Variants in ZNF713 observed in about 807,000 individuals in gnomAD.
ZNF713 encodes the protein zinc finger protein 713.
ZNF713 carries 21 observed loss-of-function variants against 28.7 expected under a neutral mutation model. The observed-to-expected ratio is 0.73, with a 90% CI of 0.52 to 1.05. The LOEUF is 1.05. Among genes scored for constraint, ZNF713 ranks in the 50% least tolerant of loss-of-function variants. ZNF713 has a pLI of 0.00. For missense variants in ZNF713, 458 were observed against 532.4 expected, an observed-to-expected ratio of 0.86 and a Z score of 1.37; for synonymous variants, 167 against 178.0, an observed-to-expected ratio of 0.94 and a Z score of 0.49.
At chr7:55,932,911 G>C (rs775797483) in intron 6 of ZNF713, among the ~76,000 whole-genome samples, 1 of 81,800 alleles carries the variant, frequency 1.2e-5, no homozygotes, top group Non-Finnish European at 2.5e-5. Flanking sequence ...AAAAAAAAAA[G>C]AAGCTACAAC....
chr7:55,895,518 G>T (rs113338514), intron 1 of ZNF713, among the ~76,000 whole-genome samples: 6,645 of 127,680 alleles, frequency 0.052, 492 homozygotes, highest in African/African-American at 0.17. Context: ...GCCCAGGCTG[G>T]AGTGCAATGG....
At chr7:55,900,963 G>A (rs4540366) in intron 1 of ZNF713, among the ~76,000 whole-genome samples, 125,031 of 152,202 alleles carry the variant, frequency 0.82, 51,891 homozygotes, top group East Asian at 0.95. Context: ...GAGCCACTGC[G>A]TCTTGCTGAT....
At chr7:55,935,665 A>C (rs1480309090) in intron 6 of ZNF713, among the ~76,000 whole-genome samples, 1 of 152,090 alleles carries the variant, frequency 6.6e-6, no homozygotes, top group Non-Finnish European at 1.5e-5. Flanking sequence ...TATAAGAAAG[A>C]TCTAACGGCC....
At position 55,911,730 on chromosome 7, in the gene ZNF713, TAAC is replaced by T. The variant is rs1367061975; in HGVS notation, c.-337_-335del. The T allele has an allele frequency of 3.3e-5, 5 of 152,086 alleles. No individual in the cohort carries two copies. In the East Asian group the frequency reaches 7.7e-4, roughly 24 times the overall value. 9.4% of individuals were successfully genotyped at this position (152,086 alleles called of 1,614,324 possible). A position where few individuals can be genotyped will look rare whatever the true frequency, so the allele number is the denominator to read the frequency against. On this transcript the variant is annotated 5_prime_UTR_variant, in exon 3 of 7. Coordinates refer to ENST00000429591, the MANE Select transcript of ZNF713 (RefSeq NM_182633.3). ...TTTTAGGGAGGAAAAAAAAAGGTAA[TAAC>T]AACCTTCAAGAGCCCCTTCATCTCA... is the stretch of plus-strand genomic sequence containing the variant.
chr7:55,890,471 A>T (rs964953391), intron 1 of ZNF713, among the ~76,000 whole-genome samples: 3 of 150,560 alleles, frequency 2.0e-5, no homozygotes, highest in African/African-American at 7.3e-5. Flanking sequence ...AAAAAAAATG[A>T]CAACCTTTAA....
At chr7:55,930,829 C>T (rs1324693798) in intron 6 of ZNF713, among the ~76,000 whole-genome samples, 1 of 152,136 alleles carries the variant, frequency 6.6e-6, no homozygotes, top group Admixed American at 6.5e-5. Context: ...CTGAGTGCGA[C>T]AGAGACCATA....
At chr7:55,931,318 A>G (rs921184033) in intron 6 of ZNF713, among the ~76,000 whole-genome samples, 1 of 152,158 alleles carries the variant, frequency 6.6e-6, no homozygotes, top group Non-Finnish European at 1.5e-5. Context: ...GTGTTACCCA[A>G]CAATATTTAT....
rs1315402078 is a variant in ZNF713 at position 55,931,978 on chromosome 7, T to A, written c.308-7004T>A. Among the ~76,000 whole-genome samples, 3 of 152,320 alleles carry A rather than the reference T, an allele frequency of 2.0e-5. No homozygotes were observed. In the East Asian group the frequency reaches 5.8e-4, roughly 29 times the overall value. On this transcript the variant is annotated intron_variant, in intron 6 of 6. Coordinates refer to ENST00000429591, the MANE Select transcript of ZNF713 (RefSeq NM_182633.3). ...AGGCAGTCTGTAGAGCTCCAGCCAATCATTTCAAACACTCTGGAGTCAAAG... is the reference window on the plus strand; with the variant it reads ...AGGCAGTCTGTAGAGCTCCAGCCAAACATTTCAAACACTCTGGAGTCAAAG...
intron 4 of ZNF713, among the ~76,000 whole-genome samples, 194 bp from the exon 5 acceptor site, chr7:55,922,968 T>C (rs80297352): frequency 0.044 from 6,643 of 152,324 alleles, 171 homozygotes; most frequent in South Asian, 0.063. Flanking sequence ...AATTATTTCA[T>C]GTATGTTTTT....
chr7:55,912,568 C>A, intron 3 of ZNF713, 67 bp from the exon 4 acceptor site: 1 of 1,185,032 alleles, frequency 8.4e-7, no homozygotes, highest in Non-Finnish European at 1.2e-6. Flanking sequence ...CTACACAAAG[C>A]AGAATCTCCA....
At chr7:55,901,845 A>G (rs1042637306) in intron 1 of ZNF713, among the ~76,000 whole-genome samples, 10 of 152,258 alleles carry the variant, frequency 6.6e-5, no homozygotes, top group Admixed American at 1.3e-4. Context: ...AAACCTTTGT[A>G]TCACTTACTA....
intron 6 of ZNF713, among the ~76,000 whole-genome samples, chr7:55,925,251 A>G (rs888685286): frequency 6.6e-6 from 1 of 152,096 alleles, no homozygotes; most frequent in Non-Finnish European, 1.5e-5. Flanking sequence ...CTGTCATTCA[A>G]ACTCTTCGGC....
intron 4 of ZNF713, among the ~76,000 whole-genome samples, chr7:55,915,264 T>C: frequency 6.6e-6 from 1 of 152,244 alleles, no homozygotes. Context: ...AACCATTTAT[T>C]ATGTTTAGAA....
At chr7:55,927,360 C>G (rs894751309) in intron 6 of ZNF713, among the ~76,000 whole-genome samples, 2 of 151,162 alleles carry the variant, frequency 1.3e-5, no homozygotes, top group African/African-American at 4.9e-5. Flanking sequence ...ACCCCCATCT[C>G]TACAAAAAAA....
At chr7:55,916,856 C>T (rs193064440) in intron 4 of ZNF713, among the ~76,000 whole-genome samples, 206 of 152,240 alleles carry the variant, frequency 1.4e-3, no homozygotes, top group African/African-American at 4.6e-3. Context: ...TGGGAGAATT[C>T]CTTTATAACT....
rs6970353 is a variant in ZNF713 at position 55,929,301 on chromosome 7, T to A, written c.307+5602T>A. Reference sequence around the variant, plus strand: ...ATATTTAAAATATACAGTAAAATTTTATTAATGAAGTCAGACCAACTGAAC... The same window carrying A: ...ATATTTAAAATATACAGTAAAATTTAATTAATGAAGTCAGACCAACTGAAC... On this transcript the variant is annotated intron_variant, in intron 6 of 6. Coordinates refer to ENST00000429591, the MANE Select transcript of ZNF713 (RefSeq NM_182633.3). Among the ~76,000 whole-genome samples the A allele has an allele frequency of 2.0e-5, 3 of 152,108 alleles. No homozygotes were observed. The East Asian group carries it at 5.8e-4, about 29-fold the overall frequency.
At position 55,911,661 on chromosome 7, in the gene ZNF713, A is replaced by G. The variant is rs1785785916; in HGVS notation, c.-410A>G. ...TCTTACAAGATCCTTGCCAGGATGCAGATTTGAATACTATAGTGAAGTCTG... is the reference window on the plus strand; with the variant it reads ...TCTTACAAGATCCTTGCCAGGATGCGGATTTGAATACTATAGTGAAGTCTG... On this transcript the variant is annotated 5_prime_UTR_variant, in exon 3 of 7. Coordinates refer to ENST00000429591, the MANE Select transcript of ZNF713 (RefSeq NM_182633.3). 1 of 152,260 alleles carries G rather than the reference A, an allele frequency of 6.6e-6. No individual in the cohort carries two copies. Among genetic ancestry groups the G allele is most frequent in the Non-Finnish European group, 1.5e-5 (1 of 68,024 alleles). 9.4% of individuals were successfully genotyped at this position (152,260 alleles called of 1,614,324 possible).
chr7:55,940,040 T>C lies in ZNF713; in HGVS notation c.*34T>C. 6.6e-7 allele frequency: 1 copy of C among 1,516,682 alleles called. No homozygotes were observed. Among genetic ancestry groups the C allele is most frequent in the Non-Finnish European group, 8.8e-7 (1 of 1,135,118 alleles). 94.0% of individuals were successfully genotyped at this position (1,516,682 alleles called of 1,614,324 possible). On this transcript the variant is annotated 3_prime_UTR_variant, in exon 7 of 7. Coordinates refer to ENST00000429591, the MANE Select transcript of ZNF713 (RefSeq NM_182633.3). ...GGGGGAAATCAGATAAATATATAAA[T>C]GTAGGAGATTTTTTGGTCAGACCTT...
intron 6 of ZNF713, among the ~76,000 whole-genome samples, chr7:55,935,133 C>G (rs1306995697): frequency 6.6e-6 from 1 of 152,004 alleles, no homozygotes. Flanking sequence ...TCACGATCCG[C>G]CCACCTTGAC....
Sources: gnomAD v4.1 joint callset for allele counts (sites outside exome capture counted in the v4.1 genomes callset) on GRCh38, gnomAD v4.1.1 for gene constraint, MANE v1.5 for transcripts, NCBI Gene and HGNC (gene_info 2026-07-23, HGNC 2026-07-21) for gene names.